Variants in TGM6 observed in about 807,000 individuals in gnomAD.
TGM6 encodes transglutaminase 6, also known as protein-glutamine gamma-glutamyltransferase 6.
TGM6 carries 74 observed loss-of-function variants against 77.5 expected under a neutral mutation model. The ratio of observed to expected loss-of-function variants is 0.96; its 90% CI spans 0.79 to 1.16. The LOEUF is 1.16. Ranked by LOEUF, TGM6 falls within the 50% of genes most tolerant of loss-of-function variation. The probability of loss-of-function intolerance (pLI) is 0.00; values close to 1 mark genes in which losing one functional copy is unlikely to be tolerated. For synonymous variants in TGM6, 383 were observed against 378.9 expected (o/e 1.01, Z -0.12); for missense variants, 968 against 940.2 (o/e 1.03, Z -0.39).
chr20:2,420,102 G>A (rs143729833), intron 10 of TGM6, among the ~76,000 whole-genome samples: 4,521 of 152,132 alleles, frequency 0.03, 222 homozygotes, highest in African/African-American at 0.1. Flanking sequence ...AAAATTAGCC[G>A]GGCGTGGCGG....
chr20:2,406,664 C>T (rs537448442), intron 9 of TGM6, among the ~76,000 whole-genome samples: 8 of 150,874 alleles, frequency 5.3e-5, no homozygotes, highest in Admixed American at 4.0e-4. Context: ...GGCGAAAACC[C>T]GTCTCTACTA....
chr20:2,398,047 G>C lies in TGM6; in HGVS notation c.672+1G>C. On this transcript the variant is annotated splice_donor_variant, in intron 5 of 12. Coordinates refer to ENST00000202625, the MANE Select transcript of TGM6 (RefSeq NM_198994.3). LOFTEE classifies it high-confidence loss of function. Reference sequence around the variant, plus strand: ...CGTCACCAGGGTCATCAGTGCCATGGTGAGAAGCCCCTCCATCCCTGCACA... The same window carrying C: ...CGTCACCAGGGTCATCAGTGCCATGCTGAGAAGCCCCTCCATCCCTGCACA... The C allele has an allele frequency of 6.2e-7, 1 of 1,614,118 alleles. No homozygotes were observed. The highest frequency in any genetic ancestry group is 1.7e-5 in the Admixed American group (1 of 60,006).
At chr20:2,414,953 AC>A (rs1288617352) in intron 9 of TGM6, among the ~76,000 whole-genome samples, 1 of 151,426 alleles carries the variant, frequency 6.6e-6, no homozygotes. Flanking sequence ...GGGTGAAAAA[AC>A]GTTCTAAAAT....
At chr20:2,417,683 G>A (rs2042686957) in intron 10 of TGM6, 110 bp downstream of exon 10, 2 of 1,239,736 alleles carry the variant, frequency 1.6e-6, no homozygotes, top group Admixed American at 4.0e-5. Context: ...GGAAGGAAGG[G>A]GACATTCCTG....
chr20:2,382,390 C>G (rs1024694622), intron 1 of TGM6, among the ~76,000 whole-genome samples: 8 of 152,184 alleles, frequency 5.3e-5, no homozygotes, highest in Non-Finnish European at 8.8e-5. Context: ...ATCTGCTTCT[C>G]AAAGTTCACC....
intron 1 of TGM6, among the ~76,000 whole-genome samples, chr20:2,393,809 G>A (rs73071389): frequency 0.14 from 21,506 of 152,000 alleles, 1,662 homozygotes; most frequent in South Asian, 0.31. Context: ...TTCCAGGCGC[G>A]AGCCACCACG....
chr20:2,420,472 G>A (rs6114150), intron 10 of TGM6, among the ~76,000 whole-genome samples: 32,205 of 151,964 alleles, frequency 0.21, 3,762 homozygotes, highest in East Asian at 0.36. Context: ...GCCAATATTG[G>A]CACAGTATTA....
chr20:2,392,898 G>C (rs1407503572), intron 1 of TGM6, among the ~76,000 whole-genome samples: 2 of 152,162 alleles, frequency 1.3e-5, no homozygotes, highest in Non-Finnish European at 2.9e-5. Flanking sequence ...GAGACACTCT[G>C]TTTCAGAAAA....
intron 9 of TGM6, among the ~76,000 whole-genome samples, chr20:2,412,918 G>T (rs889628780): frequency 1.3e-5 from 2 of 152,064 alleles, no homozygotes; most frequent in Non-Finnish European, 2.9e-5. Flanking sequence ...TTCATTGATC[G>T]AAAGGGTTTA....
chr20:2,403,315 G>T, intron 7 of TGM6, 82 bp from the exon 8 acceptor site: 4 of 1,459,878 alleles, frequency 2.7e-6, no homozygotes, highest in South Asian at 1.2e-5. Flanking sequence ...AAAGTAGGGA[G>T]CCCAGGGCCT....
intron 9 of TGM6, among the ~76,000 whole-genome samples, chr20:2,407,420 A>G (rs538524176): frequency 6.6e-6 from 1 of 152,314 alleles, no homozygotes; most frequent in African/African-American, 2.4e-5. Context: ...GGAGTTCAAG[A>G]CTAGCCTGGC....
chr20:2,383,990 C>T (rs1236997053), intron 1 of TGM6, among the ~76,000 whole-genome samples: 1 of 151,738 alleles, frequency 6.6e-6, no homozygotes, highest in Admixed American at 6.6e-5. Context: ...ACCTGTAGTC[C>T]CAGCTTCTCG....
chr20:2,381,753 C>CA (rs950046241), intron 1 of TGM6, among the ~76,000 whole-genome samples: 23 of 152,076 alleles, frequency 1.5e-4, no homozygotes, highest in African/African-American at 5.3e-4. Flanking sequence ...CCCGTCTCTA[C>CA]AAAAAAATAC....
At chr20:2,428,298 C>T (rs940842387) in intron 10 of TGM6, among the ~76,000 whole-genome samples, 3 of 152,108 alleles carry the variant, frequency 2.0e-5, no homozygotes, top group Non-Finnish European at 4.4e-5. Flanking sequence ...GGGGTCTCAG[C>T]TTTTATTAGA....
chr20:2,419,783 G>A (rs968252073), intron 10 of TGM6, among the ~76,000 whole-genome samples: 4 of 151,974 alleles, frequency 2.6e-5, no homozygotes, highest in Admixed American at 1.3e-4. Context: ...ATAAATATAT[G>A]GTGACCTATG....
At position 2,430,671 on chromosome 20, in the gene TGM6, GA is replaced by G; in HGVS notation, c.1833+73del. ...TCCCCAGAGCTGGGGGAGGGCGTCA[GA>G]AGCTGGGGGGGTTTGTGCCTTTAAC... is the stretch of plus-strand genomic sequence containing the variant. On this transcript the variant is annotated intron_variant, in intron 11 of 12. Transcript: ENST00000202625. 5 of 1,609,296 alleles carry G rather than the reference GA, an allele frequency of 3.1e-6. No individual in the cohort carries two copies. In the Admixed American group the frequency reaches 8.3e-5, roughly 27 times the overall value.
chr20:2,397,841 C>T, intron 4 of TGM6, 77 bp from the exon 5 acceptor site: 2 of 1,612,222 alleles, frequency 1.2e-6, no homozygotes, highest in Non-Finnish European at 1.7e-6. Flanking sequence ...GGGTGACTGA[C>T]CGGGTGAGGG....
At chr20:2,422,898 T>G (rs533604189) in intron 10 of TGM6, among the ~76,000 whole-genome samples, 6 of 148,408 alleles carry the variant, frequency 4.0e-5, no homozygotes, top group Admixed American at 1.4e-4. Context: ...TGCAGTGAGC[T>G]GAGATCCTGC....
chr20:2,414,897 G>A (rs1478551614), intron 9 of TGM6, among the ~76,000 whole-genome samples: 1 of 148,102 alleles, frequency 6.8e-6, no homozygotes, highest in East Asian at 2.0e-4. Flanking sequence ...GTTGGGGTGG[G>A]GAGGAATGGG....
Sources: gnomAD v4.1 joint callset for allele counts (sites outside exome capture counted in the v4.1 genomes callset) on GRCh38, gnomAD v4.1.1 for gene constraint, MANE v1.5 for transcripts, NCBI Gene and HGNC (gene_info 2026-07-23, HGNC 2026-07-21) for gene names.